The following FGFR2 variants were observed in gnomAD, a reference collection of about 807,000 sequenced individuals.
FGFR2 encodes the protein fibroblast growth factor receptor 2.
A neutral mutation model predicts 95.9 loss-of-function variants in FGFR2; 19 were observed. That is an observed-to-expected ratio of 0.20 (90% CI 0.14 to 0.29). The LOEUF is 0.29. Among genes scored for constraint, FGFR2 ranks in the 10% least tolerant of loss-of-function variants. The pLI is 1.00. For missense variants in FGFR2, 707 were observed against 1,056.9 expected (o/e 0.67, Z 4.59); for synonymous variants, 392 against 393.3 (o/e 1.00, Z 0.04).
At chr10:121,559,908 CTA>C (rs1345645736) in intron 4 of FGFR2, among the ~76,000 whole-genome samples, 1 of 152,236 alleles carries the variant, frequency 6.6e-6, no homozygotes, top group African/African-American at 2.4e-5. Flanking sequence ...CTGTTGCATT[CTA>C]TTGCTTCACA....
At chr10:121,529,018 C>T (rs1851751748) in intron 6 of FGFR2, among the ~76,000 whole-genome samples, 1 of 152,210 alleles carries the variant, frequency 6.6e-6, no homozygotes, top group Non-Finnish European at 1.5e-5. Context: ...CCTCTGCCTC[C>T]CGGGTACAAG....
intron 2 of FGFR2, among the ~76,000 whole-genome samples, chr10:121,592,616 C>T (rs45631555): frequency 0.016 from 2,505 of 152,234 alleles, 38 homozygotes; most frequent in Non-Finnish European, 0.026. Context: ...AACCCTCCTT[C>T]CTAAACTGTC....
At chr10:121,578,328 A>G (rs533327073) in intron 2 of FGFR2, among the ~76,000 whole-genome samples, 50 of 152,228 alleles carry the variant, frequency 3.3e-4, no homozygotes, top group African/African-American at 1.2e-3. Context: ...TGTTCCCTCT[A>G]CCTACAAGCC....
chr10:121,526,338 G>C (rs1394362290), intron 6 of FGFR2: 2 of 397,052 alleles, frequency 5.0e-6, no homozygotes, highest in Non-Finnish European at 8.9e-6. Flanking sequence ...CAGTTAGCAT[G>C]AGGCATGGTT....
At position 121,503,880 on chromosome 10, in the gene FGFR2, C is replaced by A. The variant is rs773245022; in HGVS notation, c.1349G>T (p.Arg450Leu). Residue 450 changes from arginine to leucine, a missense_variant, in exon 10 of 18, where the codon CGC (arginine) becomes CTC (leucine). Physicochemically the swap from Arg to Leu is moderately radical, Grantham distance 102. Coordinates refer to ENST00000358487, the MANE Select transcript of FGFR2 (RefSeq NM_000141.5). ...GGGGGTGTCTGCCGTTGAAGAGAGG[C>A]GTGTTGTTATCCTCACCAGCGGGGT... ...SNTPLVRITT[R>L]LSSTADTPML... 6 of 1,613,908 alleles carry A rather than the reference C, an allele frequency of 3.7e-6. No individual in the cohort carries two copies. In the African/African-American group the frequency reaches 6.7e-5, roughly 18 times the overall value.
At position 121,518,878 on chromosome 10, in the gene FGFR2, A is replaced by C; in HGVS notation, c.939+1101T>G. 6.2e-7 allele frequency: 1 copy of C among 1,612,028 alleles called. No individual in the cohort carries two copies. On this transcript the variant is annotated intron_variant, in intron 7 of 17. Transcript: ENST00000358487. This position sits in a 1 kb window ranked among gnomAD's most constrained non-coding sequence, Gnocchi z 4.0. ...TATAACGGCCAACCAGGAAGGTCTT[A>C]GCATTGTCTATGGTCCCACCACCAA...
Position 121,518,092 on chromosome 10 carries a change from C to T in FGFR2, c.940-629G>A. 1 of 484,176 alleles carries T rather than the reference C, an allele frequency of 2.1e-6. No homozygotes were observed. The highest frequency in any genetic ancestry group is 4.0e-6 in the Non-Finnish European group (1 of 248,562). 30.0% of individuals were successfully genotyped at this position (484,176 alleles called of 1,614,324 possible). On this transcript the variant is annotated intron_variant, in intron 7 of 17. Transcript: ENST00000358487. The surrounding 1 kb of genome is among the most constrained non-coding windows in gnomAD (Gnocchi z 4.0). ...GGCTTTTTCTCTTTTCATTAATAAA[C>T]ATTTGGATGTGAGTCATGACAAACC... is the stretch of plus-strand genomic sequence containing the variant.
Position 121,500,689 on chromosome 10 carries a change from C to T in FGFR2, c.1561+137G>A, listed in dbSNP as rs901817288. 20 of 1,235,548 alleles carry T rather than the reference C, an allele frequency of 1.6e-5. No homozygotes were observed. The East Asian group carries it at 1.9e-4, about 11-fold the overall frequency. The allele number at this position is 1,235,548 out of a possible 1,614,324, so 76.5% of individuals were successfully genotyped here. Reference sequence around the variant, plus strand: ...GTCTGTCCGAGATGCTGATTTATACCGAAAACTTCTCAACCCCTAGGTCAA... The same window carrying T: ...GTCTGTCCGAGATGCTGATTTATACTGAAAACTTCTCAACCCCTAGGTCAA... On this transcript the variant is annotated intron_variant, in intron 11 of 17. Coordinates refer to ENST00000358487, the MANE Select transcript of FGFR2 (RefSeq NM_000141.5).
At chr10:121,577,656 T>C (rs1354866894) in intron 2 of FGFR2, among the ~76,000 whole-genome samples, 6 of 152,094 alleles carry the variant, frequency 3.9e-5, no homozygotes, top group Admixed American at 3.9e-4. Flanking sequence ...TCCATGGATA[T>C]ACCCAGAATT....
In FGFR2 at chr10:121,485,245, C is replaced by T. The variant is rs1845257473; in HGVS notation, c.2195+150G>A. On this transcript the variant is annotated intron_variant, in intron 16 of 17. Coordinates refer to ENST00000358487, the MANE Select transcript of FGFR2 (RefSeq NM_000141.5). This position sits in a 1 kb window ranked among gnomAD's most constrained non-coding sequence, Gnocchi z 4.2. ...TGGTTGTCGGTGTCGCTATGTATCC[C>T]AGCTCTGGATTGAGCCCAGAGAGCT... The T allele has an allele frequency of 2.0e-6, 2 of 1,009,596 alleles. No homozygotes were observed. Among genetic ancestry groups the T allele is most frequent in the Non-Finnish European group, 3.1e-6 (2 of 643,394 alleles). The allele number at this position is 1,009,596 out of a possible 1,614,324, so 62.5% of individuals were successfully genotyped here.
At chr10:121,527,106 A>C (rs1851482724) in intron 6 of FGFR2, among the ~76,000 whole-genome samples, 1 of 152,218 alleles carries the variant, frequency 6.6e-6, no homozygotes, top group Non-Finnish European at 1.5e-5. Flanking sequence ...AGAAGAGAGT[A>C]AAGTGCTGGC....
chr10:121,499,888 A>C (rs1847367699), intron 11 of FGFR2, among the ~76,000 whole-genome samples: 1 of 152,198 alleles, frequency 6.6e-6, no homozygotes, highest in Non-Finnish European at 1.5e-5. Context: ...AACAAAATGC[A>C]CATCTTGTTG....
chr10:121,538,428 G>A, intron 6 of FGFR2, 164 bp downstream of exon 6: 1 of 1,076,566 alleles, frequency 9.3e-7, no homozygotes, highest in South Asian at 1.2e-5. Flanking sequence ...ACAGAATATT[G>A]TCAGATGACA....
Position 121,485,886 on chromosome 10 carries a change from G to A in FGFR2, c.2058-354C>T, listed in dbSNP as rs868190912. ...CTTATGTGCCTGACCCAAGGGTTGTGATCTACCAGGATGGGCAGTTGACAG... is the reference window on the plus strand; with the variant it reads ...CTTATGTGCCTGACCCAAGGGTTGTAATCTACCAGGATGGGCAGTTGACAG... On this transcript the variant is annotated intron_variant, in intron 15 of 17. Coordinates refer to ENST00000358487, the MANE Select transcript of FGFR2 (RefSeq NM_000141.5). The surrounding 1 kb of genome is among the most constrained non-coding windows in gnomAD (Gnocchi z 4.2). 2.6e-5 allele frequency among the ~76,000 whole-genome samples: 4 copies of A among 152,196 alleles called. No individual in the cohort carries two copies. The highest frequency in any genetic ancestry group is 9.6e-5 in the African/African-American group (4 of 41,456).
Position 121,565,618 on chromosome 10 carries a change from C to A in FGFR2, c.196G>T (p.Asp66Tyr), listed in dbSNP as rs148514974. The A allele has an allele frequency of 6.2e-7, 1 of 1,614,266 alleles. No homozygotes were observed. The highest frequency in any genetic ancestry group is 1.3e-5 in the African/African-American group (1 of 75,066). The change falls in exon 3 of 18, where the codon GAT becomes TAT. Residue 66 changes from aspartate (D) to tyrosine (Y), a missense_variant. By Grantham distance (160) the Asp-to-Tyr change is radical. This residue lies in a region of FGFR2 where 178 missense variants were observed against 194.1 expected (regional missense o/e 0.92). Transcript: ENST00000358487. ...ESLEVRCLLK[D>Y]AAVISWTKDG... The stretch of plus-strand genomic sequence containing the variant: ...TTAGTCCAACTGATCACGGCGGCAT[C>A]TTTCAACAGGCAGCGCACCTCTAGC...
chr10:121,557,306 GC>G (rs1856291588), intron 4 of FGFR2, among the ~76,000 whole-genome samples: 1 of 152,268 alleles, frequency 6.6e-6, no homozygotes, highest in Admixed American at 6.5e-5. Flanking sequence ...AATACCAAAA[GC>G]AGCTTTTTCT....
intron 2 of FGFR2, among the ~76,000 whole-genome samples, chr10:121,568,278 G>T (rs1358795853): frequency 6.6e-6 from 1 of 152,144 alleles, no homozygotes; most frequent in African/African-American, 2.4e-5. Context: ...CTAAGGCAAG[G>T]ACCAGATGTC....
intron 6 of FGFR2, chr10:121,538,337 C>T: frequency 1.3e-6 from 1 of 784,260 alleles, no homozygotes; most frequent in Non-Finnish European, 2.4e-6. Context: ...TCAGACATTT[C>T]ATACCACGTC....
intron 4 of FGFR2, among the ~76,000 whole-genome samples, chr10:121,561,237 C>T (rs907727469): frequency 6.6e-6 from 1 of 151,958 alleles, no homozygotes; most frequent in Non-Finnish European, 1.5e-5. Context: ...CCAGCCTGAC[C>T]AACATGGAGA....
Sources: allele counts gnomAD v4.1 joint callset (sites outside exome capture counted in the v4.1 genomes callset), GRCh38; gene constraint gnomAD v4.1.1; regional missense constraint gnomAD v4.1.1; non-coding constraint Gnocchi (gnomAD v3.1); transcripts MANE v1.5; gene names NCBI Gene and HGNC (gene_info 2026-07-23, HGNC 2026-07-21).